Variants in ANO10 observed in about 807,000 individuals in gnomAD.
ANO10 encodes anoctamin 10, also known as anoctamin-10.
ANO10 carries 77 observed loss-of-function variants against 74.7 expected under a neutral mutation model. The ratio of observed to expected loss-of-function variants is 1.03; its 90% CI spans 0.86 to 1.25. The LOEUF is 1.25. ANO10 is among the 50% of genes most tolerant of loss of function. ANO10 has a pLI of 0.00. For synonymous variants in ANO10, 279 were observed against 284.9 expected (o/e 0.98, Z 0.21); for missense variants, 721 against 778.1 (o/e 0.93, Z 0.87).
chr3:43,412,354 T>C (rs1162138545), intron 12 of ANO10, among the ~76,000 whole-genome samples: 1 of 152,238 alleles, frequency 6.6e-6, no homozygotes, highest in African/African-American at 2.4e-5. Flanking sequence ...CAGTCGGTTT[T>C]AGGAGAATGA....
intron 11 of ANO10, among the ~76,000 whole-genome samples, chr3:43,466,260 A>G (rs2075607958): frequency 6.6e-6 from 1 of 151,044 alleles, no homozygotes; most frequent in African/African-American, 2.4e-5. Context: ...AGTTCCAGCT[A>G]CTCGGGAGGC....
intron 12 of ANO10, among the ~76,000 whole-genome samples, chr3:43,419,012 C>G (rs2092782694): frequency 6.6e-6 from 1 of 152,250 alleles, no homozygotes; most frequent in Non-Finnish European, 1.5e-5. Context: ...TTATCTGGCC[C>G]TTTACAGAAA....
intron 12 of ANO10, among the ~76,000 whole-genome samples, chr3:43,385,111 A>T (rs2092078141): frequency 6.6e-6 from 1 of 152,244 alleles, no homozygotes; most frequent in Non-Finnish European, 1.5e-5. Context: ...GGCTAAGGAC[A>T]TGAACAGACA....
intron 12 of ANO10, among the ~76,000 whole-genome samples, chr3:43,387,006 T>C (rs2092140573): frequency 6.6e-6 from 1 of 152,148 alleles, no homozygotes; most frequent in Admixed American, 6.5e-5. Context: ...CGTCATACAG[T>C]CATATGTCCC....
At chr3:43,408,725 T>C (rs542414805) in intron 12 of ANO10, among the ~76,000 whole-genome samples, 3 of 152,298 alleles carry the variant, frequency 2.0e-5, no homozygotes, top group South Asian at 4.1e-4. Flanking sequence ...GATAGAACAC[T>C]ACAGTGTAAA....
intron 1 of ANO10, among the ~76,000 whole-genome samples, chr3:43,614,771 CTA>C (rs61084802): frequency 0.12 from 6,500 of 52,560 alleles, 555 homozygotes; most frequent in East Asian, 0.31. Context: ...GAAAACTAAA[CTA>C]TATATATATA....
intron 12 of ANO10, among the ~76,000 whole-genome samples, chr3:43,406,741 T>C (rs1273580548): frequency 6.6e-6 from 1 of 152,164 alleles, no homozygotes. Flanking sequence ...AAAGATGCCA[T>C]GAACACTATG....
At chr3:43,681,831 T>C (rs1315025789) in intron 1 of ANO10, among the ~76,000 whole-genome samples, 5 of 152,312 alleles carry the variant, frequency 3.3e-5, no homozygotes, top group African/African-American at 1.2e-4. Context: ...GAATGACTAC[T>C]GGGTACATAA....
chr3:43,643,868 T>A (rs956723092), intron 1 of ANO10, among the ~76,000 whole-genome samples: 4 of 151,942 alleles, frequency 2.6e-5, no homozygotes, highest in African/African-American at 9.7e-5. Context: ...GTATTTTTAG[T>A]AGAGACGGGG....
chr3:43,413,131 C>T (rs2092689879), intron 12 of ANO10, among the ~76,000 whole-genome samples: 1 of 152,198 alleles, frequency 6.6e-6, no homozygotes, highest in Admixed American at 6.5e-5. Flanking sequence ...TCATCCTCTA[C>T]TCTCTCTTCC....
chr3:43,438,680 A>G (rs4630916), intron 11 of ANO10, among the ~76,000 whole-genome samples: 136,849 of 151,918 alleles, frequency 0.9, 62,128 homozygotes, highest in Non-Finnish European at 0.96. Context: ...CCAGGAGGCA[A>G]AGGTTGCAGT....
At chr3:43,587,139 T>C (rs747376931) in intron 4 of ANO10, among the ~76,000 whole-genome samples, 2 of 152,258 alleles carry the variant, frequency 1.3e-5, no homozygotes, top group South Asian at 2.1e-4. Context: ...CGTCAAGACA[T>C]ATGCAGATAA....
chr3:43,607,342 A>C (rs549328216), intron 1 of ANO10, among the ~76,000 whole-genome samples: 18 of 152,050 alleles, frequency 1.2e-4, no homozygotes, highest in East Asian at 5.8e-4. Context: ...TCTAAAAAAA[A>C]AAAACAAAAC....
chr3:43,459,614 TC>T (rs1395304540), intron 11 of ANO10, among the ~76,000 whole-genome samples: 2 of 152,138 alleles, frequency 1.3e-5, no homozygotes, highest in Admixed American at 1.3e-4. Context: ...AGTGGGACCC[TC>T]CTGAGGAAGG....
In ANO10 at chr3:43,664,846, T is replaced by A. The variant is rs189204045; in HGVS notation, c.-12+26671A>T. Among the ~76,000 whole-genome samples the A allele has an allele frequency of 3.3e-5, 5 of 152,220 alleles. No individual in the cohort carries two copies. In the East Asian group the frequency reaches 9.6e-4, roughly 29 times the overall value. On this transcript the variant is annotated intron_variant, in intron 1 of 3. Coordinates refer to the ANO10 transcript ENST00000413397. ...CAATGAGATACTATCTCACCCCAGTTAGAATGGCGATCATTAAAAAGTCAG... is the reference window on the plus strand; with the variant it reads ...CAATGAGATACTATCTCACCCCAGTAAGAATGGCGATCATTAAAAAGTCAG...
At chr3:43,420,003 T>A (rs758707200) in intron 12 of ANO10, among the ~76,000 whole-genome samples, 4 of 152,226 alleles carry the variant, frequency 2.6e-5, no homozygotes, top group African/African-American at 4.8e-5. Context: ...AAGAAACAAA[T>A]GAGCAAACAT....
intron 11 of ANO10, among the ~76,000 whole-genome samples, chr3:43,534,455 T>C (rs2078609424): frequency 6.7e-6 from 1 of 148,452 alleles, no homozygotes. Context: ...CATGTGTGTG[T>C]GCATGTGAAC....
At chr3:43,607,791 T>C (rs987821293) in intron 1 of ANO10, among the ~76,000 whole-genome samples, 1 of 152,174 alleles carries the variant, frequency 6.6e-6, no homozygotes, top group African/African-American at 2.4e-5. Flanking sequence ...AGATTGATAA[T>C]TTTGGCAAAG....
chr3:43,431,435 T>C (rs2092979072), intron 12 of ANO10, among the ~76,000 whole-genome samples: 1 of 151,908 alleles, frequency 6.6e-6, no homozygotes, highest in African/African-American at 2.4e-5. Flanking sequence ...TCTCTTCCTC[T>C]TATACAACTG....
Sources: gnomAD v4.1 joint callset for allele counts (sites outside exome capture counted in the v4.1 genomes callset) on GRCh38, gnomAD v4.1.1 for gene constraint, MANE v1.5 for transcripts, NCBI Gene and HGNC (gene_info 2026-07-23, HGNC 2026-07-21) for gene names.